The following MTG1 variants were observed in gnomAD, a reference collection of about 807,000 sequenced individuals.
The protein encoded by MTG1 is mitochondrial ribosome associated GTPase 1, also known as mitochondrial ribosome-associated GTPase 1.
A neutral mutation model predicts 39.5 loss-of-function variants in MTG1; 30 were observed. The observed-to-expected ratio is 0.76, with a 90% CI of 0.57 to 1.03. The LOEUF (loss-of-function observed/expected upper bound fraction) is 1.03, where lower values mean the gene tolerates loss of function less well. Ranked by LOEUF, MTG1 falls within the 50% of genes least tolerant of loss-of-function variation. The pLI is 0.00. For synonymous variants in MTG1, 217 were observed against 179.0 expected, an observed-to-expected ratio of 1.21 and a Z score of -1.69; for missense variants, 513 against 447.4, an observed-to-expected ratio of 1.15 and a Z score of -1.32.
intron 9 of MTG1, among the ~76,000 whole-genome samples, chr10:133,406,180 T>C (rs1849967955): frequency 6.6e-6 from 1 of 152,208 alleles, no homozygotes; most frequent in African/African-American, 2.4e-5. Context: ...TTTTAAATAG[T>C]TATGTGGTTT....
At chr10:133,397,009 A>G (rs1162194044) in intron 3 of MTG1, among the ~76,000 whole-genome samples, 1 of 151,416 alleles carries the variant, frequency 6.6e-6, no homozygotes, top group African/African-American at 2.4e-5. Context: ...AGAAGACTCT[A>G]CTCCTCCACC....
rs775976719 is a variant in MTG1 at position 133,395,772 on chromosome 10, G to A, written c.172G>A (p.Ala58Thr). The A allele has an allele frequency of 2.5e-6, 4 of 1,614,024 alleles. No homozygotes were observed. In the Admixed American group the frequency reaches 5.0e-5, roughly 20 times the overall value. The change falls in exon 2 of 11, where the codon GCC becomes ACC. Residue 58 changes from alanine to threonine, a missense_variant. Physicochemically the swap from Ala to Thr is moderately conservative, Grantham distance 58. Coordinates refer to ENST00000317502, the MANE Select transcript of MTG1 (RefSeq NM_138384.4). ...LVDCIIEVHD[A>T]RIPLSGRNPL... ...GGACTGTATCATCGAGGTCCACGAT[G>A]CCCGGATATCCTTTCACAGAGCAGG...
In MTG1 at chr10:133,402,871, AT is replaced by A; in HGVS notation, c.752+100del. ...AAAAAACCCCCAGCATTATAAAGGTATTATAAACACGGTAACCTGCACATCG... is the reference window on the plus strand; with the variant it reads ...AAAAAACCCCCAGCATTATAAAGGTATATAAACACGGTAACCTGCACATCG... On this transcript the variant is annotated intron_variant, in intron 9 of 10. Coordinates refer to ENST00000317502, the MANE Select transcript of MTG1 (RefSeq NM_138384.4). The surrounding 1 kb of genome is among the most constrained non-coding windows in gnomAD (Gnocchi z 4.7). 1 of 916,304 alleles carries A rather than the reference AT, an allele frequency of 1.1e-6. No homozygotes were observed. The highest frequency in any genetic ancestry group is 1.6e-6 in the Non-Finnish European group (1 of 608,640). The allele number at this position is 916,304 out of a possible 1,614,324, so 56.8% of individuals were successfully genotyped here.
chr10:133,416,851 C>T (rs1464668343), intron 9 of MTG1, among the ~76,000 whole-genome samples: 11 of 151,462 alleles, frequency 7.3e-5, no homozygotes, highest in Non-Finnish European at 1.0e-4. Flanking sequence ...GTGAATAATG[C>T]CGCAATAAAC....
rs1850233674 is a variant in MTG1, at chr10:133,421,420, A to G, written c.*1255A>G. On this transcript the variant is annotated 3_prime_UTR_variant, in exon 11 of 11. Transcript: ENST00000317502. ...CCCATTTTCCAGGTGGGCATCTGCA[A>G]AGTTGAGGGGGCTCCGGTGGGTCTC... 1 of 153,018 alleles carries G rather than the reference A, an allele frequency of 6.5e-6. No individual in the cohort carries two copies. Among genetic ancestry groups the G allele is most frequent in the African/African-American group, 2.4e-5 (1 of 41,410 alleles). The allele number at this position is 153,018 out of a possible 1,614,324, so 9.5% of individuals were successfully genotyped here. A position where few individuals can be genotyped will look rare whatever the true frequency, so the allele number is the denominator to read the frequency against.
rs117922426 is a variant in MTG1 at position 133,405,585 on chromosome 10, T to C, written c.752+2812T>C. Among the ~76,000 whole-genome samples, 1,144 of 152,366 alleles carry C rather than the reference T, an allele frequency of 7.5e-3. 9 individuals are homozygous for C. The highest frequency in any genetic ancestry group is 0.048 in the Middle Eastern group (14 of 294). ...TAGCTCCCACATTTGAGTTAGAACA[T>C]GCATTATTTGTCTTTCTGTGCCTGT... On this transcript the variant is annotated intron_variant, in intron 9 of 10. Coordinates refer to ENST00000317502, the MANE Select transcript of MTG1 (RefSeq NM_138384.4).
At chr10:133,406,121 C>T (rs928636384) in intron 9 of MTG1, among the ~76,000 whole-genome samples, 1 of 152,094 alleles carries the variant, frequency 6.6e-6, no homozygotes, top group Non-Finnish European at 1.5e-5. Context: ...ACTTGTTGGC[C>T]ATTTGTATGT....
chr10:133,394,548 G>GT, intron 1 of MTG1: 1 of 1,337,382 alleles, frequency 7.5e-7, no homozygotes, highest in Non-Finnish European at 9.5e-7. Flanking sequence ...GTTCCCGCGA[G>GT]TGCCCCCGCG....
In MTG1 at chr10:133,419,522, A is replaced by C; in HGVS notation, c.795A>C (p.Val265=). ...HYGLGSACDN[V]ERVLKSVAVK... ...GCCTGGGCAGTGCCTGTGACAACGTAGAGCGCGTGCTGAAGAGTGTGGCTG... is the reference window on the plus strand; with the variant it reads ...GCCTGGGCAGTGCCTGTGACAACGTCGAGCGCGTGCTGAAGAGTGTGGCTG... The change falls in exon 10 of 11, where the codon GTA becomes GTC. Residue 265 remains valine, a synonymous_variant. Transcript: ENST00000317502. 6.2e-7 allele frequency: 1 copy of C among 1,609,832 alleles called. No homozygotes were observed. The highest frequency in any genetic ancestry group is 8.5e-7 in the Non-Finnish European group (1 of 1,178,392).
rs1329091488 is a variant in MTG1, at chr10:133,395,753, T to C, written c.153T>C (p.Cys51=). The change falls in exon 2 of 11, where the codon TGT becomes TGC. Residue 51 remains cysteine, a synonymous_variant. Coordinates refer to ENST00000317502, the MANE Select transcript of MTG1 (RefSeq NM_138384.4). ...AGAGCAGCCTGAAGCTGGTGGACTG[T>C]ATCATCGAGGTCCACGATGCCCGGA... ...KMQSSLKLVD[C]IIEVHDARIP... is the part of the protein sequence containing the mutation. 2.5e-6 allele frequency: 4 copies of C among 1,614,122 alleles called. No individual in the cohort carries two copies. The highest frequency in any genetic ancestry group is 2.7e-5 in the African/African-American group (2 of 75,052).
At chr10:133,407,429 T>G (rs1441715402) in intron 9 of MTG1, among the ~76,000 whole-genome samples, 1 of 152,228 alleles carries the variant, frequency 6.6e-6, no homozygotes, top group Non-Finnish European at 1.5e-5. Flanking sequence ...TGGAATATCT[T>G]TCCATTTTTT....
In MTG1 at chr10:133,418,447, C is replaced by T. The variant is rs149225834; in HGVS notation, c.753-1033C>T. Among the ~76,000 whole-genome samples, 605 of 152,090 alleles carry T rather than the reference C, an allele frequency of 4.0e-3. 4 individuals are homozygous for T. Among genetic ancestry groups the T allele is most frequent in the African/African-American group, 0.013 (543 of 41,492 alleles). On this transcript the variant is annotated intron_variant, in intron 9 of 10. Transcript: ENST00000317502. ...AGGAGTTCTTCCCATTGGCAGGTCT[C>T]GGGGGTGGTCCGGGGCGCCTCCTCC...
intron 6 of MTG1, among the ~76,000 whole-genome samples, chr10:133,400,337 T>TG (rs1564819232): frequency 6.6e-6 from 1 of 152,282 alleles, no homozygotes; most frequent in Non-Finnish European, 1.5e-5. Context: ...GGAGGGTTCC[T>TG]GGACTCCGGA....
intron 9 of MTG1, among the ~76,000 whole-genome samples, chr10:133,404,923 A>C (rs1849948680): frequency 6.6e-6 from 1 of 152,154 alleles, no homozygotes; most frequent in South Asian, 2.1e-4. Context: ...AACTGCTTCT[A>C]ATTTAATATG....
At chr10:133,416,543 T>TCCCTCCC (rs1850136793) in intron 9 of MTG1, among the ~76,000 whole-genome samples, 1 of 110,208 alleles carries the variant, frequency 9.1e-6, no homozygotes. Flanking sequence ...CCTAATGCTA[T>TCCCTCCC]CCCTCCCCCC....
intron 9 of MTG1, among the ~76,000 whole-genome samples, chr10:133,410,210 G>A (rs1199804326): frequency 6.6e-6 from 1 of 151,784 alleles, no homozygotes; most frequent in Non-Finnish European, 1.5e-5. Context: ...ACACCTGGCT[G>A]TTTTATTTAT....
chr10:133,420,052 T>A lies in MTG1; in HGVS notation c.892T>A (p.Tyr298Asn). ...TGNVNIIQPN[Y>N]PAAARDFLQT... ...TAACGTGAACATTATTCAGCCTAAC[T>A]ATCCTGCGGCAGCCCGTGACTTCCT... is the stretch of plus-strand genomic sequence containing the variant. The change falls in exon 11 of 11, where the codon TAT becomes AAT. Residue 298 changes from tyrosine to asparagine, a missense_variant. Transcript: ENST00000317502. 6.2e-7 allele frequency: 1 copy of A among 1,612,992 alleles called. No homozygotes were observed. The highest frequency in any genetic ancestry group is 8.5e-7 in the Non-Finnish European group (1 of 1,179,418).
At chr10:133,407,726 G>A (rs1293362488) in intron 9 of MTG1, among the ~76,000 whole-genome samples, 1 of 151,856 alleles carries the variant, frequency 6.6e-6, no homozygotes, top group Non-Finnish European at 1.5e-5. Context: ...GTGCCACCAC[G>A]CCTGGCTCAT....
chr10:133,419,372 AG>A (rs1416197740), intron 9 of MTG1, 107 bp from the exon 10 acceptor site: 3 of 800,278 alleles, frequency 3.7e-6, no homozygotes, highest in Non-Finnish European at 6.0e-6. Context: ...CACCCACAGG[AG>A]GTGCCTGGCC....
Sources: allele counts gnomAD v4.1 joint callset (sites outside exome capture counted in the v4.1 genomes callset), GRCh38; gene constraint gnomAD v4.1.1; non-coding constraint Gnocchi (gnomAD v3.1); transcripts MANE v1.5; gene names NCBI Gene and HGNC (gene_info 2026-07-23, HGNC 2026-07-21).